HAPSTR1: variants seen among roughly 807,000 people sequenced by gnomAD.
The protein encoded by HAPSTR1 is HUWE1 associated protein modifying stress responses, also known as HUWE1-associated protein modifying stress responses 1.
At chr16:9,094,726 C>T in the HAPSTR1 span, among the ~76,000 whole-genome samples, 88 of 152,266 alleles carry the variant, frequency 5.8e-4, 3 homozygotes, top group African/African-American at 2.0e-3. Flanking sequence ...TATGGTGTGG[C>T]AGTACCATGG....
the HAPSTR1 span, among the ~76,000 whole-genome samples, chr16:9,098,516 CAG>C: frequency 1.2e-4 from 18 of 152,104 alleles, no homozygotes; most frequent in African/African-American, 4.3e-4. Flanking sequence ...CCTAAAGAAA[CAG>C]TACATTTTCT....
chr16:9,101,561 A>G, the HAPSTR1 span, among the ~76,000 whole-genome samples: 1 of 151,940 alleles, frequency 6.6e-6, no homozygotes, highest in Admixed American at 6.6e-5. Context: ...TCCTACTTTG[A>G]TTATTTTTTT....
the HAPSTR1 span, among the ~76,000 whole-genome samples, chr16:9,098,316 A>G: frequency 6.6e-6 from 1 of 152,176 alleles, no homozygotes; most frequent in Non-Finnish European, 1.5e-5. Flanking sequence ...CTGGGCAGCA[A>G]GAGCGAAAAT....
chr16:9,099,548 T>A, the HAPSTR1 span, among the ~76,000 whole-genome samples: 152 of 152,350 alleles, frequency 1.0e-3, no homozygotes, highest in African/African-American at 3.6e-3. Flanking sequence ...AAGGTTAGAT[T>A]GACATTTCAG....
the HAPSTR1 span, chr16:9,116,989 A>G: frequency 3.2e-6 from 5 of 1,561,424 alleles, no homozygotes; most frequent in Non-Finnish European, 4.4e-6. Context: ...TGCAAAGGAA[A>G]CATGAGGCCA....
chr16:9,107,166 T>G, the HAPSTR1 span: 1 of 152,224 alleles, frequency 6.6e-6, no homozygotes, highest in Non-Finnish European at 1.5e-5. Context: ...GGCATTTATC[T>G]CAGATGAAGT....
At chr16:9,104,875 A>T in the HAPSTR1 span, 1 of 152,338 alleles carries the variant, frequency 6.6e-6, no homozygotes, top group South Asian at 2.1e-4. Flanking sequence ...TATTTGATGC[A>T]GTTGTCTCTC....
the HAPSTR1 span, among the ~76,000 whole-genome samples, chr16:9,115,581 A>G: frequency 1.3e-5 from 2 of 152,204 alleles, no homozygotes; most frequent in Non-Finnish European, 2.9e-5. Context: ...AAGGAAAGGA[A>G]TAAGTATCCA....
chr16:9,120,695 T>TTTTTTTTG, the HAPSTR1 span: 1 of 126,062 alleles, frequency 7.9e-6, no homozygotes, highest in African/African-American at 3.0e-5. Context: ...TTTTTTTTTT[T>TTTTTTTTG]GTGATGGAGT....
At chr16:9,107,298 G>A in the HAPSTR1 span, 3 of 152,244 alleles carry the variant, frequency 2.0e-5, no homozygotes, top group East Asian at 1.9e-4. Context: ...AACATAGAGC[G>A]ATTCCTTTTT....
At chr16:9,098,149 G>A in the HAPSTR1 span, among the ~76,000 whole-genome samples, 1 of 152,172 alleles carries the variant, frequency 6.6e-6, no homozygotes, top group African/African-American at 2.4e-5. Context: ...TGACCAACAT[G>A]GAGAGAAACC....
the HAPSTR1 span, among the ~76,000 whole-genome samples, chr16:9,101,774 A>G: frequency 6.8e-6 from 1 of 146,512 alleles, no homozygotes; most frequent in South Asian, 2.1e-4. Flanking sequence ...ACATAGCTTT[A>G]CATTGTTTGA....
chr16:9,095,414 T>C, the HAPSTR1 span, among the ~76,000 whole-genome samples: 1 of 152,150 alleles, frequency 6.6e-6, no homozygotes, highest in African/African-American at 2.4e-5. Context: ...ATATTGGTTA[T>C]AGTTCTGATT....
At chr16:9,117,826 A>G in the HAPSTR1 span, 1 of 152,624 alleles carries the variant, frequency 6.6e-6, no homozygotes, top group East Asian at 1.9e-4. Flanking sequence ...CTATCATTTT[A>G]CATTTTTCAT....
the HAPSTR1 span, among the ~76,000 whole-genome samples, chr16:9,095,595 C>A: frequency 3.3e-5 from 5 of 151,864 alleles, no homozygotes; most frequent in Admixed American, 2.6e-4. Context: ...CCAAGAAGTT[C>A]ATTAGGTGTT....
the HAPSTR1 span, chr16:9,102,939 T>G: frequency 1.3e-6 from 2 of 1,587,186 alleles, no homozygotes; most frequent in Non-Finnish European, 1.7e-6. Flanking sequence ...GAATACGGGC[T>G]CTAATGGTCA....
At chr16:9,116,489 T>A in the HAPSTR1 span, among the ~76,000 whole-genome samples, 1 of 152,122 alleles carries the variant, frequency 6.6e-6, no homozygotes, top group Non-Finnish European at 1.5e-5. Flanking sequence ...ACCAATAAAA[T>A]ATATGTCAAG....
the HAPSTR1 span, chr16:9,103,485 G>A: frequency 2.0e-6 from 1 of 510,424 alleles, no homozygotes. Flanking sequence ...GAGCTTATTG[G>A]TGTTAAAATG....
At chr16:9,102,873 A>AG in the HAPSTR1 span, 32 of 1,078,602 alleles carry the variant, frequency 3.0e-5, no homozygotes, top group Admixed American at 4.6e-5. Flanking sequence ...ATGGGCTCAG[A>AG]GGCCACATCA....
Sources: allele counts gnomAD v4.1 joint callset (sites outside exome capture counted in the v4.1 genomes callset), GRCh38; gene constraint gnomAD v4.1.1; transcripts MANE v1.5; gene names NCBI Gene and HGNC (gene_info 2026-07-23, HGNC 2026-07-21).